The following FBXW11 variants were observed in gnomAD, a reference collection of about 807,000 sequenced individuals.
The protein encoded by FBXW11 is F-box/WD repeat-containing protein 11.
FBXW11 carries 19 observed loss-of-function variants against 77.6 expected under a neutral mutation model. The ratio of observed to expected loss-of-function variants is 0.24; its 90% CI spans 0.17 to 0.36. The LOEUF (loss-of-function observed/expected upper bound fraction) is 0.36. FBXW11 is among the 10% of genes least tolerant of loss of function. The probability of loss-of-function intolerance (pLI) is 1.00; values close to 1 mark genes in which losing one functional copy is unlikely to be tolerated. For missense variants in FBXW11, 334 were observed against 704.2 expected, an observed-to-expected ratio of 0.47 and a Z score of 5.95; for synonymous variants, 235 against 249.4, an observed-to-expected ratio of 0.94 and a Z score of 0.54.
At chr5:171,934,730 A>G (rs1004363610) in intron 2 of FBXW11, among the ~76,000 whole-genome samples, 2 of 152,006 alleles carry the variant, frequency 1.3e-5, no homozygotes, top group Admixed American at 1.3e-4. Context: ...GACAAGCAAG[A>G]AAACAACCCA....
chr5:171,961,383 C>T (rs1763899267), intron 1 of FBXW11, among the ~76,000 whole-genome samples: 1 of 152,204 alleles, frequency 6.6e-6, no homozygotes, highest in African/African-American at 2.4e-5. Flanking sequence ...TACTTTCACA[C>T]TCAATAATTA....
intron 9 of FBXW11, among the ~76,000 whole-genome samples, 158 bp from the exon 10 acceptor site, chr5:171,873,148 T>C (rs906553670): frequency 6.6e-6 from 1 of 152,184 alleles, no homozygotes; most frequent in Non-Finnish European, 1.5e-5. Context: ...GGGGGCAGAC[T>C]AGACAGCATA....
intron 2 of FBXW11, among the ~76,000 whole-genome samples, chr5:171,951,888 A>G (rs977169771): frequency 6.6e-6 from 1 of 152,262 alleles, no homozygotes; most frequent in African/African-American, 2.4e-5. Context: ...GAAAAACAAA[A>G]TTGAAGAAAA....
intron 1 of FBXW11, among the ~76,000 whole-genome samples, chr5:171,958,615 T>C (rs1237233124): frequency 6.6e-6 from 1 of 152,238 alleles, no homozygotes; most frequent in African/African-American, 2.4e-5. Context: ...AAAAGCTTGC[T>C]GATTTTAAAG....
Position 171,876,266 on chromosome 5 carries a change from T to C in FBXW11, c.1221+19A>G. 1 of 1,613,836 alleles carries C rather than the reference T, an allele frequency of 6.2e-7. No individual in the cohort carries two copies. The highest frequency in any genetic ancestry group is 8.5e-7 in the Non-Finnish European group (1 of 1,179,834). ...AAAGGGACAGGAACAGGTAGGGTTA[T>C]GACTGCAGACATACTTACTTTGATG... On this transcript the variant is annotated intron_variant, in intron 9 of 13. Coordinates refer to ENST00000517395, the MANE Select transcript of FBXW11 (RefSeq NM_001378974.1). This position sits in a 1 kb window ranked among gnomAD's most constrained non-coding sequence, Gnocchi z 4.2.
At chr5:171,914,632 C>T (rs1248278848) in intron 2 of FBXW11, among the ~76,000 whole-genome samples, 7 of 152,066 alleles carry the variant, frequency 4.6e-5, no homozygotes, top group Non-Finnish European at 8.8e-5. Context: ...TCATTATTTA[C>T]AAAGGTTGGG....
intron 1 of FBXW11, among the ~76,000 whole-genome samples, chr5:172,002,493 A>G (rs1439216420): frequency 6.7e-6 from 1 of 149,824 alleles, no homozygotes; most frequent in Non-Finnish European, 1.5e-5. Flanking sequence ...CTGAGTCTGC[A>G]TTCAGTAAGT....
chr5:171,876,913 CA>C lies in FBXW11; in HGVS notation c.972-380del, dbSNP rs1310576735. 6.6e-6 allele frequency among the ~76,000 whole-genome samples: 1 copy of C among 152,192 alleles called. No individual in the cohort carries two copies. Among genetic ancestry groups the C allele is most frequent in the Admixed American group, 6.5e-5 (1 of 15,284 alleles). ...AGTAGAAGTAGCTCGAAGCCCTCAT[CA>C]GAAGTAGATGCTGGTGCCATGCTTC... On this transcript the variant is annotated intron_variant, in intron 8 of 13. Coordinates refer to ENST00000517395, the MANE Select transcript of FBXW11 (RefSeq NM_001378974.1). The surrounding 1 kb of genome is among the most constrained non-coding windows in gnomAD (Gnocchi z 4.2).
chr5:171,934,087 A>G (rs1762354179), intron 2 of FBXW11, among the ~76,000 whole-genome samples: 1 of 152,236 alleles, frequency 6.6e-6, no homozygotes, highest in Non-Finnish European at 1.5e-5. Flanking sequence ...TATGAGAGAC[A>G]TTAATTCACT....
At chr5:171,915,983 G>T (rs1317043293) in intron 2 of FBXW11, among the ~76,000 whole-genome samples, 1 of 150,690 alleles carries the variant, frequency 6.6e-6, no homozygotes, top group Non-Finnish European at 1.5e-5. Flanking sequence ...GCAAACTATC[G>T]CAAGGACAAA....
At chr5:171,952,789 C>A (rs988127640) in intron 2 of FBXW11, among the ~76,000 whole-genome samples, 1 of 151,772 alleles carries the variant, frequency 6.6e-6, no homozygotes, top group Non-Finnish European at 1.5e-5. Context: ...GGCCTGCAGG[C>A]CCCCAGGACG....
intron 2 of FBXW11, among the ~76,000 whole-genome samples, chr5:171,941,140 G>A (rs1333979499): frequency 6.6e-6 from 1 of 152,102 alleles, no homozygotes; most frequent in Admixed American, 6.5e-5. Context: ...TTACAATGAA[G>A]AAGGCTTGAT....
chr5:171,864,416 T>C (rs1757259465), intron 13 of FBXW11, among the ~76,000 whole-genome samples: 1 of 152,222 alleles, frequency 6.6e-6, no homozygotes, highest in Non-Finnish European at 1.5e-5. Flanking sequence ...GGGCTGACCC[T>C]ATAACCTATC....
chr5:171,878,106 T>G lies in FBXW11; in HGVS notation c.876A>C (p.Glu292Asp). The G allele has an allele frequency of 2.5e-6, 4 of 1,613,924 alleles. No individual in the cohort carries two copies. The highest frequency in any genetic ancestry group is 3.4e-6 in the Non-Finnish European group (4 of 1,179,874). ...SIKIWDKTSL[E>D]CLKVLTGHTG... Reference sequence around the variant, plus strand: ...TGTGTCCTGTTAACACTTTCAAACATTCCAGGCTGGTTTTATCCCATATCT... The same window carrying G: ...TGTGTCCTGTTAACACTTTCAAACAGTCCAGGCTGGTTTTATCCCATATCT... Residue 292 changes from glutamate (E) to aspartate (D), a missense_variant, in exon 8 of 14, where the codon GAA becomes GAC. Physicochemically the swap from Glu to Asp is conservative, Grantham distance 45. This residue lies in a region of FBXW11 where 70 missense variants were observed against 136.6 expected (regional missense o/e 0.51). Coordinates refer to ENST00000517395, the MANE Select transcript of FBXW11 (RefSeq NM_001378974.1).
At chr5:171,924,840 C>T (rs1761804447) in intron 2 of FBXW11, among the ~76,000 whole-genome samples, 2 of 150,774 alleles carry the variant, frequency 1.3e-5, no homozygotes, top group South Asian at 2.1e-4. Flanking sequence ...CCCCAGACCT[C>T]GCCACTCCCA....
At chr5:171,950,586 C>T (rs1395898423) in intron 2 of FBXW11, among the ~76,000 whole-genome samples, 1 of 151,982 alleles carries the variant, frequency 6.6e-6, no homozygotes, top group Non-Finnish European at 1.5e-5. Context: ...AGCCCATTTC[C>T]TCTATTCAAA....
intron 2 of FBXW11, among the ~76,000 whole-genome samples, chr5:171,955,241 G>C (rs1171902752): frequency 6.6e-6 from 1 of 152,172 alleles, no homozygotes; most frequent in Non-Finnish European, 1.5e-5. Context: ...CAGCCATATA[G>C]ACAGGTCAAT....
At chr5:172,001,068 T>C (rs1194743885) in intron 1 of FBXW11, among the ~76,000 whole-genome samples, 2 of 152,234 alleles carry the variant, frequency 1.3e-5, no homozygotes, top group East Asian at 3.8e-4. Flanking sequence ...TCTATGGATG[T>C]CCTATAAACA....
intron 6 of FBXW11, among the ~76,000 whole-genome samples, chr5:171,893,728 T>C (rs1759547961): frequency 1.3e-5 from 2 of 152,174 alleles, no homozygotes; most frequent in South Asian, 4.1e-4. Flanking sequence ...TTATACCCTC[T>C]GGGGGCCCAC....
Sources: gnomAD v4.1 joint callset for allele counts (sites outside exome capture counted in the v4.1 genomes callset) on GRCh38, gnomAD v4.1.1 for gene constraint, gnomAD v4.1.1 regional missense constraint, Gnocchi (gnomAD v3.1) non-coding constraint, MANE v1.5 for transcripts, NCBI Gene and HGNC (gene_info 2026-07-23, HGNC 2026-07-21) for gene names.